KIF5C: variants seen among roughly 807,000 people sequenced by gnomAD.
KIF5C encodes kinesin heavy chain isoform 5C.
KIF5C carries 18 observed loss-of-function variants against 125.2 expected under a neutral mutation model. The observed-to-expected ratio is 0.14, with a 90% CI of 0.10 to 0.21. The LOEUF is 0.21. Among genes scored for constraint, KIF5C ranks in the 10% least tolerant of loss-of-function variants. The pLI is 1.00. For synonymous variants in KIF5C, 405 were observed against 434.0 expected, an observed-to-expected ratio of 0.93 and a Z score of 0.83; for missense variants, 780 against 1,183.8, an observed-to-expected ratio of 0.66 and a Z score of 5.01.
intron 11 of KIF5C, among the ~76,000 whole-genome samples, chr2:148,963,489 CTAG>C (rs1211171566): frequency 6.6e-6 from 1 of 152,160 alleles, no homozygotes; most frequent in African/African-American, 2.4e-5. Flanking sequence ...CAAAAATGAC[CTAG>C]TAGTCTAAAT....
At chr2:148,913,658 G>A (rs982462993) in intron 1 of KIF5C, among the ~76,000 whole-genome samples, 9 of 152,130 alleles carry the variant, frequency 5.9e-5, no homozygotes, top group African/African-American at 1.2e-4. Flanking sequence ...TGTTGGCAGC[G>A]CCATCATGAG....
rs1233382950 is a variant in KIF5C at position 148,876,456 on chromosome 2, A to G, written c.126+713A>G. On this transcript the variant is annotated intron_variant, in intron 1 of 25. Transcript: ENST00000435030. The surrounding 1 kb of genome is among the most constrained non-coding windows in gnomAD (Gnocchi z 4.7). ...GATGACCTCCCTCCCATGTCTGCAG[A>G]CCCTCTGATGCGCCTCACGCTGGGT... Among the ~76,000 whole-genome samples, 1 of 151,378 alleles carries G rather than the reference A, an allele frequency of 6.6e-6. No homozygotes were observed. The highest frequency in any genetic ancestry group is 1.5e-5 in the Non-Finnish European group (1 of 67,800).
chr2:149,026,155 A>G lies in KIF5C; in HGVS notation c.*3085A>G, dbSNP rs1243569087. ...GGCAGGAGACATTTGGACTCTAGCT[A>G]TATGACATACTGGGAAAGGCAGAGG... On this transcript the variant is annotated 3_prime_UTR_variant, in exon 26 of 26. Transcript: ENST00000435030. 1.3e-5 allele frequency: 2 copies of G among 152,566 alleles called. No homozygotes were observed. The highest frequency in any genetic ancestry group is 2.9e-5 in the Non-Finnish European group (2 of 68,034). 9.5% of individuals were successfully genotyped at this position (152,566 alleles called of 1,614,324 possible).
At chr2:148,997,967 T>G in intron 18 of KIF5C, 1 of 180,694 alleles carries the variant, frequency 5.5e-6, no homozygotes, top group Non-Finnish European at 1.2e-5. Flanking sequence ...AAGGTCTCCT[T>G]TGGACATCAT....
At chr2:149,017,388 C>G (rs1042779506) in intron 25 of KIF5C, among the ~76,000 whole-genome samples, 1 of 152,160 alleles carries the variant, frequency 6.6e-6, no homozygotes, top group East Asian at 1.9e-4. Context: ...AGCAGGGTCT[C>G]GCTCTTGAGA....
At chr2:148,904,251 T>TGC (rs944724878) in intron 1 of KIF5C, among the ~76,000 whole-genome samples, 6 of 152,232 alleles carry the variant, frequency 3.9e-5, no homozygotes, top group Admixed American at 2.0e-4. Context: ...AGTTTAAAAT[T>TGC]GCTGTGTCTC....
intron 1 of KIF5C, among the ~76,000 whole-genome samples, chr2:148,918,654 A>T (rs937780583): frequency 6.6e-6 from 1 of 152,244 alleles, no homozygotes; most frequent in Admixed American, 6.5e-5. Context: ...GGGAATAAGC[A>T]TCATACAGAG....
rs1452274571 is a variant in KIF5C at position 148,875,572 on chromosome 2, C to T, written c.-46C>T. The T allele has an allele frequency of 1.3e-6, 1 of 744,788 alleles. No individual in the cohort carries two copies. Among genetic ancestry groups the T allele is most frequent in the Middle Eastern group, 3.6e-4 (1 of 2,742 alleles). 46.1% of individuals were successfully genotyped at this position (744,788 alleles called of 1,614,324 possible). ...GCCTCCTCCCTCGTCGTTCCCGGCC[C>T]CGGCCCCCCACCCATCCCCGTGCCC... is the stretch of plus-strand genomic sequence containing the variant. On this transcript the variant is annotated 5_prime_UTR_variant, in exon 1 of 26. Coordinates refer to ENST00000435030, the MANE Select transcript of KIF5C (RefSeq NM_004522.3).
At chr2:148,921,384 T>C (rs750822922) in intron 1 of KIF5C, among the ~76,000 whole-genome samples, 1 of 152,216 alleles carries the variant, frequency 6.6e-6, no homozygotes, top group Non-Finnish European at 1.5e-5. Context: ...AGGAATTCTT[T>C]TGGACACAAA....
At chr2:148,950,969 C>T (rs1029532625) in intron 10 of KIF5C, among the ~76,000 whole-genome samples, 2 of 152,118 alleles carry the variant, frequency 1.3e-5, no homozygotes, top group African/African-American at 4.8e-5. Flanking sequence ...AAATAATGGG[C>T]AAGAACATGC....
intron 4 of KIF5C, among the ~76,000 whole-genome samples, chr2:148,940,982 A>G (rs1486464568): frequency 6.6e-6 from 1 of 152,198 alleles, no homozygotes; most frequent in Non-Finnish European, 1.5e-5. Context: ...CTGCAGTTCA[A>G]ACAGGTTCTT....
rs2105218431 is a variant in KIF5C, at chr2:149,024,199, T to G, written c.*1129T>G. On this transcript the variant is annotated 3_prime_UTR_variant, in exon 26 of 26. Coordinates refer to ENST00000435030, the MANE Select transcript of KIF5C (RefSeq NM_004522.3). ...AATCCACATAGATGGATATTTTACA[T>G]TTAGTTATTGCTTTATCCAAATACA... 6.5e-6 allele frequency: 1 copy of G among 152,780 alleles called. No homozygotes were observed. The highest frequency in any genetic ancestry group is 2.4e-5 in the African/African-American group (1 of 41,584). The allele number at this position is 152,780 out of a possible 1,614,324, so 9.5% of individuals were successfully genotyped here.
At chr2:148,916,359 G>A (rs1681550818) in intron 1 of KIF5C, among the ~76,000 whole-genome samples, 1 of 152,182 alleles carries the variant, frequency 6.6e-6, no homozygotes, top group Admixed American at 6.5e-5. Flanking sequence ...TTTAAAGAGT[G>A]CAGAGGATGG....
intron 3 of KIF5C, among the ~76,000 whole-genome samples, chr2:148,934,620 C>T (rs111809998): frequency 2.7e-5 from 4 of 150,856 alleles, no homozygotes; most frequent in African/African-American, 9.8e-5. Context: ...CACACATATA[C>T]AATACACACA....
chr2:148,980,675 CTTATTTATTTAT>C (rs5835290), intron 13 of KIF5C, among the ~76,000 whole-genome samples: 1,644 of 144,680 alleles, frequency 0.011, 23 homozygotes, highest in Middle Eastern at 0.066. Context: ...AGATCCTTTG[CTTATTTATTTAT>C]TTATTTATTT....
At chr2:148,931,909 T>C (rs1358080005) in intron 3 of KIF5C, among the ~76,000 whole-genome samples, 6 of 152,226 alleles carry the variant, frequency 3.9e-5, no homozygotes, top group African/African-American at 1.2e-4. Context: ...CTTTCCTTTA[T>C]TGTGACTTTT....
intron 22 of KIF5C, among the ~76,000 whole-genome samples, chr2:149,007,661 A>G (rs201107429): frequency 4.6e-5 from 7 of 151,614 alleles, no homozygotes; most frequent in African/African-American, 1.7e-4. Flanking sequence ...AGAAGTCTCT[A>G]TTTACTACAT....
intron 12 of KIF5C, among the ~76,000 whole-genome samples, chr2:148,976,211 G>A (rs1681062802): frequency 6.6e-6 from 1 of 151,844 alleles, no homozygotes; most frequent in Non-Finnish European, 1.5e-5. Context: ...AGGTTGACCA[G>A]TTTCTCATTT....
chr2:148,894,458 A>G lies in KIF5C; in HGVS notation c.126+18715A>G, dbSNP rs112453960. 3.2e-3 allele frequency among the ~76,000 whole-genome samples: 493 copies of G among 152,358 alleles called. 3 individuals are homozygous for G. Among genetic ancestry groups the G allele is most frequent in the African/African-American group, 0.011 (456 of 41,594 alleles). On this transcript the variant is annotated intron_variant, in intron 1 of 25. Coordinates refer to ENST00000435030, the MANE Select transcript of KIF5C (RefSeq NM_004522.3). ...TTGAAGACATTAGTATAAATGGACC[A>G]CACTTAAAATTCTATTGATAGTCCT... is the stretch of plus-strand genomic sequence containing the variant.
Sources: allele counts gnomAD v4.1 joint callset (sites outside exome capture counted in the v4.1 genomes callset), GRCh38; gene constraint gnomAD v4.1.1; non-coding constraint Gnocchi (gnomAD v3.1); transcripts MANE v1.5; gene names NCBI Gene and HGNC (gene_info 2026-07-23, HGNC 2026-07-21).